Variants in ZFAND6 observed in about 807,000 individuals in gnomAD.
ZFAND6 encodes AN1-type zinc finger protein 6.
ZFAND6 carries 12 observed loss-of-function variants against 24.5 expected under a neutral mutation model. That is an observed-to-expected ratio of 0.49 (90% CI 0.31 to 0.79). The LOEUF is 0.79. ZFAND6 is among the 30% of genes least tolerant of loss of function. ZFAND6 has a pLI of 0.04. For missense variants in ZFAND6, 207 were observed against 245.9 expected, an observed-to-expected ratio of 0.84 and a Z score of 1.06; for synonymous variants, 92 against 81.5, an observed-to-expected ratio of 1.13 and a Z score of -0.69.
At chr15:80,100,008 A>G (rs2038951120) in intron 2 of ZFAND6, among the ~76,000 whole-genome samples, 1 of 152,224 alleles carries the variant, frequency 6.6e-6, no homozygotes, top group Non-Finnish European at 1.5e-5. Context: ...TGAAAAACCC[A>G]AAGGTTTCAC....
chr15:80,111,209 C>G (rs1468465502), intron 2 of ZFAND6, among the ~76,000 whole-genome samples: 1 of 152,150 alleles, frequency 6.6e-6, no homozygotes, highest in Non-Finnish European at 1.5e-5. Context: ...TAAATCATGT[C>G]TGGGGATACA....
chr15:80,114,439 A>G (rs1286375542), intron 2 of ZFAND6, among the ~76,000 whole-genome samples: 1 of 152,200 alleles, frequency 6.6e-6, no homozygotes, highest in Non-Finnish European at 1.5e-5. Flanking sequence ...TATACAAACT[A>G]AAACCGAAGT....
At chr15:80,101,660 T>C (rs2039038647) in intron 2 of ZFAND6, among the ~76,000 whole-genome samples, 1 of 152,172 alleles carries the variant, frequency 6.6e-6, no homozygotes, top group Non-Finnish European at 1.5e-5. Flanking sequence ...CAATTCTCTT[T>C]GTCTGGAACA....
rs115294748 is a variant in ZFAND6 at position 80,084,906 on chromosome 15, G to A, written c.-180-13510G>A. Reference sequence around the variant, plus strand: ...GAACCTAATTAAGAATTTTTAAGTCGGTTAATCCTGCCATGCCCCCTTGGT... The same window carrying A: ...GAACCTAATTAAGAATTTTTAAGTCAGTTAATCCTGCCATGCCCCCTTGGT... On this transcript the variant is annotated intron_variant, in intron 1 of 6. Coordinates refer to ENST00000261749, the MANE Select transcript of ZFAND6 (RefSeq NM_019006.4). Among the ~76,000 whole-genome samples the A allele has an allele frequency of 6.2e-3, 937 of 152,208 alleles. 17 individuals carry two copies. Among genetic ancestry groups the A allele is most frequent in the African/African-American group, 0.021 (892 of 41,520 alleles).
At chr15:80,079,503 A>G in intron 1 of ZFAND6, among the ~76,000 whole-genome samples, 1 of 151,828 alleles carries the variant, frequency 6.6e-6, no homozygotes, top group South Asian at 2.1e-4. Context: ...TACAGGCGTG[A>G]GCCACCGCAC....
chr15:80,094,461 C>T (rs1050400202), intron 1 of ZFAND6, among the ~76,000 whole-genome samples: 4 of 151,828 alleles, frequency 2.6e-5, no homozygotes, highest in East Asian at 1.9e-4. Flanking sequence ...GAAATCATCC[C>T]GCCCACCCCT....
At chr15:80,130,049 T>TG (rs1001430000) in intron 5 of ZFAND6, 2 of 152,184 alleles carry the variant, frequency 1.3e-5, no homozygotes, top group Non-Finnish European at 2.9e-5. Context: ...GGCTTTATCC[T>TG]GGGGGGTAGT....
chr15:80,082,401 A>G (rs1471046891), intron 1 of ZFAND6, among the ~76,000 whole-genome samples: 5 of 152,198 alleles, frequency 3.3e-5, no homozygotes, highest in African/African-American at 9.6e-5. Flanking sequence ...TTATAGACAG[A>G]TAGGACAAAT....
At chr15:80,072,884 T>C (rs2037057679) in intron 1 of ZFAND6, among the ~76,000 whole-genome samples, 1 of 152,012 alleles carries the variant, frequency 6.6e-6, no homozygotes, top group South Asian at 2.1e-4. Context: ...CATTAAAACA[T>C]CTTAGACTCA....
intron 5 of ZFAND6, among the ~76,000 whole-genome samples, chr15:80,129,022 AGATAT>A (rs2040484987): frequency 6.6e-6 from 1 of 152,196 alleles, no homozygotes; most frequent in Non-Finnish European, 1.5e-5. Flanking sequence ...AGAACAGGTT[AGATAT>A]GGCTTACAGG....
intron 1 of ZFAND6, among the ~76,000 whole-genome samples, chr15:80,098,122 A>C (rs2038838371): frequency 6.6e-6 from 1 of 152,214 alleles, no homozygotes; most frequent in Non-Finnish European, 1.5e-5. Context: ...AATTAGCTAG[A>C]CTTAAGGAAA....
chr15:80,137,685 T>C lies in ZFAND6; in HGVS notation c.*57T>C. 1.4e-6 allele frequency: 2 copies of C among 1,400,680 alleles called. No homozygotes were observed. Among genetic ancestry groups the C allele is most frequent in the East Asian group, 5.2e-5 (2 of 38,322 alleles). The allele number at this position is 1,400,680 out of a possible 1,614,324, so 86.8% of individuals were successfully genotyped here. A position where few individuals can be genotyped will look rare whatever the true frequency, so the allele number is the denominator to read the frequency against. ...CTGCAAACTAAAAATTGACTTGAGG[T>C]TTTTTTTTTCCTAGTCATTGGGAAT... On this transcript the variant is annotated 3_prime_UTR_variant, in exon 7 of 7. Transcript: ENST00000261749.
chr15:80,134,198 C>A (rs915861261), intron 6 of ZFAND6, among the ~76,000 whole-genome samples: 2 of 152,114 alleles, frequency 1.3e-5, no homozygotes, highest in Non-Finnish European at 2.9e-5. Flanking sequence ...CCCTGTTGGC[C>A]AAGCTGGTCC....
intron 6 of ZFAND6, among the ~76,000 whole-genome samples, chr15:80,136,152 A>G (rs2040852490): frequency 6.6e-6 from 1 of 151,960 alleles, no homozygotes; most frequent in South Asian, 2.1e-4. Context: ...ATTTTAAAAT[A>G]TACATATTTA....
chr15:80,081,083 A>C (rs2037637829), intron 1 of ZFAND6, among the ~76,000 whole-genome samples: 1 of 152,238 alleles, frequency 6.6e-6, no homozygotes, highest in Non-Finnish European at 1.5e-5. Context: ...TCTCTGAATG[A>C]ATACTAAGTC....
At chr15:80,108,985 C>T (rs1356888990) in intron 2 of ZFAND6, among the ~76,000 whole-genome samples, 1 of 152,158 alleles carries the variant, frequency 6.6e-6, no homozygotes, top group Non-Finnish European at 1.5e-5. Flanking sequence ...GTCTCGGCCT[C>T]CCAAAGTGCT....
intron 1 of ZFAND6, among the ~76,000 whole-genome samples, chr15:80,062,187 A>G (rs533774838): frequency 2.0e-5 from 3 of 152,196 alleles, no homozygotes; most frequent in Non-Finnish European, 4.4e-5. Flanking sequence ...CTTGTGCCTT[A>G]GCATACTCAT....
chr15:80,081,306 A>AAT (rs1439488349), intron 1 of ZFAND6, among the ~76,000 whole-genome samples: 3 of 152,168 alleles, frequency 2.0e-5, no homozygotes, highest in Non-Finnish European at 2.9e-5. Context: ...AGTACTGTAA[A>AAT]ATGGTCCTTT....
At chr15:80,123,663 G>C (rs539912346) in intron 5 of ZFAND6, among the ~76,000 whole-genome samples, 2 of 152,286 alleles carry the variant, frequency 1.3e-5, no homozygotes, top group South Asian at 4.1e-4. Context: ...ACCTACTTGA[G>C]AGGCTAAGGC....
Sources: gnomAD v4.1 joint callset for allele counts (sites outside exome capture counted in the v4.1 genomes callset) on GRCh38, gnomAD v4.1.1 for gene constraint, MANE v1.5 for transcripts, NCBI Gene and HGNC (gene_info 2026-07-23, HGNC 2026-07-21) for gene names.